The following PDCD2L variants were observed in gnomAD, a reference collection of about 807,000 sequenced individuals.
PDCD2L encodes the protein programmed cell death 2 like, also known as uS5 assembly chaperone PDCD2L.
A neutral mutation model predicts 40.4 loss-of-function variants in PDCD2L; 44 were observed. That is an observed-to-expected ratio of 1.09 (90% CI 0.86 to 1.40). PDCD2L has a LOEUF of 1.40. Among genes scored for constraint, PDCD2L ranks in the 40% most tolerant of loss-of-function variants. PDCD2L has a pLI of 0.00. For missense variants in PDCD2L, 470 were observed against 453.7 expected (o/e 1.04, Z -0.33); for synonymous variants, 194 against 174.6 (o/e 1.11, Z -0.88).
At chr19:34,420,645 A>C (rs2075146260) in intron 5 of PDCD2L, among the ~76,000 whole-genome samples, 1 of 151,678 alleles carries the variant, frequency 6.6e-6, no homozygotes, top group African/African-American at 2.4e-5. Context: ...TTTAAAAACT[A>C]GCTGGGTATG....
At position 34,421,315 on chromosome 19, in the gene PDCD2L, A is replaced by G. The variant is rs979882483; in HGVS notation, c.798-204A>G. 4 of 599,114 alleles carry G rather than the reference A, an allele frequency of 6.7e-6. No individual in the cohort carries two copies. The African/African-American group carries it at 7.4e-5, about 11-fold the overall frequency. 37.1% of individuals were successfully genotyped at this position (599,114 alleles called of 1,614,324 possible). On this transcript the variant is annotated intron_variant, in intron 5 of 6. Transcript: ENST00000246535. ...CAGCTTTACCTAGATTCAGTTGAAC[A>G]TTGACTTTAGTGCCTTTGAGACTTT...
At chr19:34,412,124 A>G (rs942826071) in intron 4 of PDCD2L, among the ~76,000 whole-genome samples, 3 of 151,592 alleles carry the variant, frequency 2.0e-5, no homozygotes, top group Non-Finnish European at 4.4e-5. Flanking sequence ...GGTTTAAGCA[A>G]TTCTCCTCCC....
chr19:34,425,066 A>C (rs537522918), intron 6 of PDCD2L, among the ~76,000 whole-genome samples: 11 of 152,054 alleles, frequency 7.2e-5, no homozygotes, highest in Non-Finnish European at 1.6e-4. Flanking sequence ...ATACATTTTT[A>C]AACAATGTAT....
chr19:34,404,641 C>T lies in PDCD2L; in HGVS notation c.109-8C>T, dbSNP rs1568356527. The T allele has an allele frequency of 6.2e-7, 1 of 1,609,320 alleles. No homozygotes were observed. Among genetic ancestry groups the T allele is most frequent in the East Asian group, 2.2e-5 (1 of 44,822 alleles). On this transcript the variant is annotated splice_polypyrimidine_tract_variant and splice_region_variant and intron_variant, in intron 1 of 6. Coordinates refer to ENST00000246535, the MANE Select transcript of PDCD2L (RefSeq NM_032346.2). The stretch of plus-strand genomic sequence containing the variant: ...GTCGGGGTCTGAGCGCCTCCTCTGT[C>T]CCCTCAGGATGCTCTGCCCACCGTG...
chr19:34,422,754 C>G (rs186082301), intron 6 of PDCD2L, among the ~76,000 whole-genome samples: 18 of 150,310 alleles, frequency 1.2e-4, no homozygotes, highest in Non-Finnish European at 1.9e-4. Flanking sequence ...CTTGCTCTGT[C>G]GCCCAGGCTG....
At chr19:34,416,067 T>A (rs1042771332) in intron 5 of PDCD2L, among the ~76,000 whole-genome samples, 1 of 152,200 alleles carries the variant, frequency 6.6e-6, no homozygotes, top group Non-Finnish European at 1.5e-5. Flanking sequence ...ACTACAGGCA[T>A]GTGCCAACAT....
intron 6 of PDCD2L, among the ~76,000 whole-genome samples, 153 bp downstream of exon 6, chr19:34,421,820 T>G (rs1365448484): frequency 6.6e-6 from 1 of 152,094 alleles, no homozygotes; most frequent in Non-Finnish European, 1.5e-5. Flanking sequence ...CCAGGTGTGG[T>G]GGCTCATGCC....
intron 6 of PDCD2L, 62 bp from the exon 7 acceptor site, chr19:34,425,928 T>C (rs887249831): frequency 2.6e-6 from 4 of 1,533,710 alleles, no homozygotes; most frequent in Non-Finnish European, 3.5e-6. Flanking sequence ...AAATCATTCC[T>C]TTTAGTAACA....
chr19:34,413,419 TC>T (rs2075113244), intron 4 of PDCD2L, among the ~76,000 whole-genome samples: 1 of 150,220 alleles, frequency 6.7e-6, no homozygotes, highest in African/African-American at 2.5e-5. Context: ...CACTGCAACT[TC>T]CGCTTCCCGG....
intron 3 of PDCD2L, among the ~76,000 whole-genome samples, chr19:34,406,902 A>AGCTCACT (rs2075079128): frequency 1.5e-5 from 2 of 132,276 alleles, no homozygotes; most frequent in Non-Finnish European, 3.1e-5. Flanking sequence ...GCACAATCTC[A>AGCTCACT]GCTCACTGCA....
chr19:34,412,758 A>G (rs1374994073), intron 4 of PDCD2L, among the ~76,000 whole-genome samples: 1 of 150,754 alleles, frequency 6.6e-6, no homozygotes, highest in East Asian at 1.9e-4. Flanking sequence ...ACAGTTTTTT[A>G]ACTTTGACAG....
In PDCD2L at chr19:34,413,794, G is replaced by C; in HGVS notation, c.744G>C (p.Gln248His). ...YEKTIIKSGD[Q>H]TFYKFMKRIA... Reference sequence around the variant, plus strand: ...AGACCATAATTAAAAGTGGAGATCAGACGTTTTACAAATTCATGAAGCGAA... The same window carrying C: ...AGACCATAATTAAAAGTGGAGATCACACGTTTTACAAATTCATGAAGCGAA... The change falls in exon 5 of 7, where the codon CAG (glutamine) becomes CAC (histidine). Residue 248 changes from glutamine to histidine, a missense_variant. Physicochemically the swap from Gln to His is conservative, Grantham distance 24. Coordinates refer to ENST00000246535, the MANE Select transcript of PDCD2L (RefSeq NM_032346.2). 6.2e-7 allele frequency: 1 copy of C among 1,609,456 alleles called. No individual in the cohort carries two copies. Among genetic ancestry groups the C allele is most frequent in the African/African-American group, 1.3e-5 (1 of 74,940 alleles).
intron 4 of PDCD2L, among the ~76,000 whole-genome samples, chr19:34,410,021 T>C (rs979644819): frequency 6.6e-6 from 1 of 152,160 alleles, no homozygotes; most frequent in Non-Finnish European, 1.5e-5. Flanking sequence ...CCATGATTTT[T>C]TGAGAGTTAA....
At chr19:34,415,808 A>T (rs1007148974) in intron 5 of PDCD2L, among the ~76,000 whole-genome samples, 3 of 152,248 alleles carry the variant, frequency 2.0e-5, no homozygotes, top group African/African-American at 7.2e-5. Context: ...TCACTTATGT[A>T]ACTAAGTTAT....
At chr19:34,411,619 A>C (rs1242712638) in intron 4 of PDCD2L, among the ~76,000 whole-genome samples, 2 of 152,052 alleles carry the variant, frequency 1.3e-5, no homozygotes, top group African/African-American at 4.8e-5. Context: ...CATAGCTGGG[A>C]CTACAGGTGT....
chr19:34,413,095 A>G (rs762941588), intron 4 of PDCD2L, among the ~76,000 whole-genome samples: 9 of 150,662 alleles, frequency 6.0e-5, no homozygotes, highest in African/African-American at 9.8e-5. Flanking sequence ...CTGGAGTGCA[A>G]TAGCGCAATC....
intron 6 of PDCD2L, among the ~76,000 whole-genome samples, chr19:34,423,636 A>G (rs1195449391): frequency 1.3e-5 from 2 of 151,272 alleles, no homozygotes; most frequent in Non-Finnish European, 1.5e-5. Flanking sequence ...CTGGGATTAC[A>G]GGCGCCCACC....
intron 4 of PDCD2L, among the ~76,000 whole-genome samples, chr19:34,412,001 A>G (rs1450251472): frequency 6.8e-6 from 1 of 146,860 alleles, no homozygotes; most frequent in Non-Finnish European, 1.5e-5. Context: ...ATAATAAAAT[A>G]TATATATTAA....
At chr19:34,422,192 G>C (rs530249128) in intron 6 of PDCD2L, 1 of 149,574 alleles carries the variant, frequency 6.7e-6, no homozygotes, top group African/African-American at 2.5e-5. Flanking sequence ...CTGTCGCCCA[G>C]GCTGGAGTGC....
Sources: allele counts gnomAD v4.1 joint callset (sites outside exome capture counted in the v4.1 genomes callset), GRCh38; gene constraint gnomAD v4.1.1; transcripts MANE v1.5; gene names NCBI Gene and HGNC (gene_info 2026-07-23, HGNC 2026-07-21).